Variants in BRIP1 observed in about 807,000 individuals in gnomAD.
BRIP1 encodes the protein BRCA1 interacting DNA helicase 1.
A neutral mutation model predicts 119.7 loss-of-function variants in BRIP1; 88 were observed. The observed-to-expected ratio is 0.74, with a 90% CI of 0.62 to 0.88. BRIP1 has a LOEUF of 0.88. Among genes scored for constraint, BRIP1 ranks in the 40% least tolerant of loss-of-function variants. The probability of loss-of-function intolerance (pLI) is 0.00; values close to 1 mark genes in which losing one functional copy is unlikely to be tolerated. For missense variants in BRIP1, 1,259 were observed against 1,455.4 expected, an observed-to-expected ratio of 0.87 and a Z score of 2.20; for synonymous variants, 443 against 496.5, an observed-to-expected ratio of 0.89 and a Z score of 1.43.
chr17:61,816,417 C>T lies in BRIP1; in HGVS notation c.628-7660G>A, dbSNP rs889042234. ...TATGTTAAACTGCAGTGGGCTAGCACATTAAGACAGATCCTTTTCACGGTT... is the reference window on the plus strand; with the variant it reads ...TATGTTAAACTGCAGTGGGCTAGCATATTAAGACAGATCCTTTTCACGGTT... On this transcript the variant is annotated intron_variant, in intron 6 of 19. Coordinates refer to ENST00000259008, the MANE Select transcript of BRIP1 (RefSeq NM_032043.3). The surrounding 1 kb of genome is among the most constrained non-coding windows in gnomAD (Gnocchi z 5.0). Among the ~76,000 whole-genome samples the T allele has an allele frequency of 2.0e-5, 3 of 152,170 alleles. No individual in the cohort carries two copies. The highest frequency in any genetic ancestry group is 4.8e-5 in the African/African-American group (2 of 41,446).
rs2061698639 is a variant in BRIP1, at chr17:61,706,953, TG to T, written c.2492+8997del. On this transcript the variant is annotated intron_variant, in intron 17 of 19. Coordinates refer to ENST00000259008, the MANE Select transcript of BRIP1 (RefSeq NM_032043.3). This position sits in a 1 kb window ranked among gnomAD's most constrained non-coding sequence, Gnocchi z 5.7. ...GTTATCATTCCAGAGTTTTCCTTCC[TG>T]GTTGTTTTAGGAATTATCTTTGCCT... Among the ~76,000 whole-genome samples the T allele has an allele frequency of 6.6e-6, 1 of 152,152 alleles. No individual in the cohort carries two copies. Among genetic ancestry groups the T allele is most frequent in the Non-Finnish European group, 1.5e-5 (1 of 68,006 alleles).
At position 61,753,910 on chromosome 17, in the gene BRIP1, C is replaced by G. The variant is rs1181168610; in HGVS notation, c.2098-9319G>C. Among the ~76,000 whole-genome samples the G allele has an allele frequency of 3.3e-5, 5 of 152,150 alleles. No homozygotes were observed. The highest frequency in any genetic ancestry group is 7.3e-5 in the Non-Finnish European group (5 of 68,028). The stretch of plus-strand genomic sequence containing the variant: ...TATATGCATGAGCCACCACACCCAG[C>G]CCCTCATCTCTACTACTGCTCATCC... On this transcript the variant is annotated intron_variant, in intron 14 of 19. Transcript: ENST00000259008. This position sits in a 1 kb window ranked among gnomAD's most constrained non-coding sequence, Gnocchi z 4.6.
rs2077170153 is a variant in BRIP1 at position 61,754,127 on chromosome 17, T to A, written c.2098-9536A>T. On this transcript the variant is annotated intron_variant, in intron 14 of 19. Transcript: ENST00000259008. The surrounding 1 kb of genome is among the most constrained non-coding windows in gnomAD (Gnocchi z 4.1). ...TCCATTTTCCATACAGCAGCCAACATAATCCTTTTAAAACTAAGTTTAAAC... is the reference window on the plus strand; with the variant it reads ...TCCATTTTCCATACAGCAGCCAACAAAATCCTTTTAAAACTAAGTTTAAAC... Among the ~76,000 whole-genome samples, 1 of 152,190 alleles carries A rather than the reference T, an allele frequency of 6.6e-6. No individual in the cohort carries two copies. Among genetic ancestry groups the A allele is most frequent in the African/African-American group, 2.4e-5 (1 of 41,454 alleles).
intron 17 of BRIP1, among the ~76,000 whole-genome samples, chr17:61,696,157 G>C (rs2061516359): frequency 6.7e-6 from 1 of 149,940 alleles, no homozygotes; most frequent in Admixed American, 6.6e-5. Flanking sequence ...CCACTTTGTT[G>C]AGTATTTTCA....
In BRIP1 at chr17:61,806,360, G is replaced by C. The variant is rs1481275976; in HGVS notation, c.918+2107C>G. Among the ~76,000 whole-genome samples the C allele has an allele frequency of 6.6e-6, 1 of 152,144 alleles. No homozygotes were observed. The highest frequency in any genetic ancestry group is 1.5e-5 in the Non-Finnish European group (1 of 68,018). On this transcript the variant is annotated intron_variant, in intron 7 of 19. Transcript: ENST00000259008. The surrounding 1 kb of genome is among the most constrained non-coding windows in gnomAD (Gnocchi z 4.9). ...AACAGGGCTTGAGAACAAGAAAGAGGATGTTCATGTATGCCCGTGAGGTAA... is the reference window on the plus strand; with the variant it reads ...AACAGGGCTTGAGAACAAGAAAGAGCATGTTCATGTATGCCCGTGAGGTAA...
chr17:61,725,770 G>A lies in BRIP1; in HGVS notation c.2380-9707C>T, dbSNP rs1217353407. On this transcript the variant is annotated intron_variant, in intron 16 of 19. Coordinates refer to ENST00000259008, the MANE Select transcript of BRIP1 (RefSeq NM_032043.3). The surrounding 1 kb of genome is among the most constrained non-coding windows in gnomAD (Gnocchi z 5.3). ...CTCAGTAGCTAGGACTTACAGATAC[G>A]TGCCCCAACACCAGGCTAATTAAAA... 1.3e-5 allele frequency among the ~76,000 whole-genome samples: 2 copies of A among 151,598 alleles called. No homozygotes were observed. Among genetic ancestry groups the A allele is most frequent in the African/African-American group, 2.4e-5 (1 of 41,280 alleles).
chr17:61,848,372 G>GC lies in BRIP1; in HGVS notation c.507+756_507+757insG, dbSNP rs59810592. On this transcript the variant is annotated intron_variant, in intron 5 of 19. Coordinates refer to ENST00000259008, the MANE Select transcript of BRIP1 (RefSeq NM_032043.3). The surrounding 1 kb of genome is among the most constrained non-coding windows in gnomAD (Gnocchi z 4.3). ...TGTAGGGCTCATGCCACCACACCCG[G>GC]TCTTTTTTTTTACTTTTTTGTGGAG... 0.39 allele frequency among the ~76,000 whole-genome samples: 59,672 copies of GC among 151,360 alleles called. 12,295 individuals carry two copies. The highest frequency in any genetic ancestry group is 0.49 in the African/African-American group (20,247 of 41,198).
rs1470592891 is a variant in BRIP1, at chr17:61,699,119, G to A, written c.2493-5607C>T. On this transcript the variant is annotated intron_variant, in intron 17 of 19. Transcript: ENST00000259008. This position sits in a 1 kb window ranked among gnomAD's most constrained non-coding sequence, Gnocchi z 4.8. ...GCTCTCTTTTGTTTACTATTTGCAT[G>A]GTATGTCTTTTCCCATCATTTTATT... is the stretch of plus-strand genomic sequence containing the variant. Among the ~76,000 whole-genome samples, 2 of 151,918 alleles carry A rather than the reference G, an allele frequency of 1.3e-5. No individual in the cohort carries two copies. Among genetic ancestry groups the A allele is most frequent in the Non-Finnish European group, 2.9e-5 (2 of 67,972 alleles).
rs935612010 is a variant in BRIP1 at position 61,793,699 on chromosome 17, T to C, written c.1371A>G (p.Val457=). Residue 457 remains valine (V), a synonymous_variant, in exon 10 of 20, where the codon GTA becomes GTG. Transcript: ENST00000259008. The surrounding 1 kb of genome is among the most constrained non-coding windows in gnomAD (Gnocchi z 5.2). The part of the protein sequence containing the change: ...NWLEANAEYL[V]ERDYESACKI... ...TACAAGCTGATTCATAATCTCTTTC[T>C]ACAAGATATTCAGCGTTTGCTTCTA... 3.7e-6 allele frequency: 6 copies of C among 1,610,600 alleles called. No individual in the cohort carries two copies. Among genetic ancestry groups the C allele is most frequent in the Non-Finnish European group, 5.1e-6 (6 of 1,178,360 alleles).
intron 6 of BRIP1, among the ~76,000 whole-genome samples, chr17:61,811,862 G>C (rs963710867): frequency 2.6e-5 from 4 of 152,022 alleles, no homozygotes; most frequent in Admixed American, 2.0e-4. Flanking sequence ...TGAGGCAGGT[G>C]AATCACTTGA....
intron 6 of BRIP1, among the ~76,000 whole-genome samples, chr17:61,830,525 A>C (rs1455177510): frequency 6.6e-6 from 1 of 152,136 alleles, no homozygotes; most frequent in African/African-American, 2.4e-5. Flanking sequence ...AGACACTTAA[A>C]GAAATAAGAG....
Position 61,680,621 on chromosome 17 carries a change from A to G in BRIP1, c.*2675T>C, listed in dbSNP as rs1393311743. On this transcript the variant is annotated 3_prime_UTR_variant, in exon 20 of 20. Coordinates refer to ENST00000259008, the MANE Select transcript of BRIP1 (RefSeq NM_032043.3). ...CAGCCTCCTGAGTAGCTGGGACTAC[A>G]GGCGCCCGCCACCACGCCTGGCTAA... Among the ~76,000 whole-genome samples, 1 of 151,188 alleles carries G rather than the reference A, an allele frequency of 6.6e-6. No individual in the cohort carries two copies. Among genetic ancestry groups the G allele is most frequent in the Non-Finnish European group, 1.5e-5 (1 of 67,856 alleles).
At chr17:61,787,364 TTA>T (rs1279940845) in intron 10 of BRIP1, among the ~76,000 whole-genome samples, 4 of 129,974 alleles carry the variant, frequency 3.1e-5, no homozygotes, top group Non-Finnish European at 6.2e-5. Flanking sequence ...TATTAATATA[TTA>T]TATATAGTTA....
chr17:61,732,273 A>C (rs551184008), intron 16 of BRIP1, among the ~76,000 whole-genome samples: 39 of 151,804 alleles, frequency 2.6e-4, no homozygotes, highest in African/African-American at 9.4e-4. Context: ...GAGCCACTGC[A>C]CCCGGCCTAT....
In BRIP1 at chr17:61,683,329, G is replaced by A. The variant is rs758809865; in HGVS notation, c.3717C>T (p.Ser1239=). ...AACCAGGAAACATGCCTTTATTTTT[G>A]GAAGGAGATGGTTTAAAGTTCTTTA... ...IEIKNFKPSP[S]KNKGMFPGFK is the part of the protein sequence containing the mutation. Residue 1239 remains serine (S), a synonymous_variant, in exon 20 of 20, where the codon TCC becomes TCT. Coordinates refer to ENST00000259008, the MANE Select transcript of BRIP1 (RefSeq NM_032043.3). The surrounding 1 kb of genome is among the most constrained non-coding windows in gnomAD (Gnocchi z 4.7). 100 of 1,609,874 alleles carry A rather than the reference G, an allele frequency of 6.2e-5. No homozygotes were observed. The highest frequency in any genetic ancestry group is 1.1e-4 in the East Asian group (5 of 44,780).
intron 14 of BRIP1, among the ~76,000 whole-genome samples, chr17:61,763,994 T>C (rs1380867758): frequency 6.6e-6 from 1 of 152,128 alleles, no homozygotes; most frequent in Non-Finnish European, 1.5e-5. Flanking sequence ...CTGAGGCATA[T>C]AAAATACTAC....
rs1379428611 is a variant in BRIP1 at position 61,759,792 on chromosome 17, A to C, written c.2098-15201T>G. On this transcript the variant is annotated intron_variant, in intron 14 of 19. Coordinates refer to ENST00000259008, the MANE Select transcript of BRIP1 (RefSeq NM_032043.3). The surrounding 1 kb of genome is among the most constrained non-coding windows in gnomAD (Gnocchi z 4.9). ...TTTTAAAATACTTTATTGCTAAAAAAATGCTGACACAGAGACATGAAGTGA... is the reference window on the plus strand; with the variant it reads ...TTTTAAAATACTTTATTGCTAAAAACATGCTGACACAGAGACATGAAGTGA... Among the ~76,000 whole-genome samples the C allele has an allele frequency of 1.3e-5, 2 of 152,114 alleles. No homozygotes were observed. The highest frequency in any genetic ancestry group is 4.8e-5 in the African/African-American group (2 of 41,448).
At chr17:61,817,941 A>G (rs548284141) in intron 6 of BRIP1, among the ~76,000 whole-genome samples, 1 of 152,328 alleles carries the variant, frequency 6.6e-6, no homozygotes, top group Non-Finnish European at 1.5e-5. Context: ...ACTTTTCTTA[A>G]TCTTTTTTGT....
rs919227362 is a variant in BRIP1 at position 61,844,507 on chromosome 17, T to C, written c.627+2594A>G. On this transcript the variant is annotated intron_variant, in intron 6 of 19. Coordinates refer to ENST00000259008, the MANE Select transcript of BRIP1 (RefSeq NM_032043.3). The surrounding 1 kb of genome is among the most constrained non-coding windows in gnomAD (Gnocchi z 4.7). ...CAGGAGGCTGGGGTTGGAGGATCAC[T>C]TGAGCCTGGGATTTTGAGGTTACAG... 6.6e-6 allele frequency among the ~76,000 whole-genome samples: 1 copy of C among 152,186 alleles called. No homozygotes were observed. The highest frequency in any genetic ancestry group is 2.4e-5 in the African/African-American group (1 of 41,452).
Sources: gnomAD v4.1 joint callset for allele counts (sites outside exome capture counted in the v4.1 genomes callset) on GRCh38, gnomAD v4.1.1 for gene constraint, Gnocchi (gnomAD v3.1) non-coding constraint, MANE v1.5 for transcripts, NCBI Gene and HGNC (gene_info 2026-07-23, HGNC 2026-07-21) for gene names.